NUP188: variants seen among roughly 807,000 people sequenced by gnomAD.
The protein encoded by NUP188 is nucleoporin NUP188.
A neutral mutation model predicts 223.0 loss-of-function variants in NUP188; 97 were observed. That is an observed-to-expected ratio of 0.43 (90% confidence interval 0.37 to 0.51). The LOEUF (loss-of-function observed/expected upper bound fraction) is 0.51, where lower values mean the gene tolerates loss of function less well. Ranked by LOEUF, NUP188 falls within the 20% of genes least tolerant of loss-of-function variation. The pLI is 0.00. For synonymous variants in NUP188, 869 were observed against 828.0 expected (o/e 1.05, Z -0.85); for missense variants, 1,947 against 2,175.6 (o/e 0.89, Z 2.09).
chr9:128,958,933 A>G (rs759319063), intron 7 of NUP188, 39 bp downstream of exon 7: 3 of 1,425,612 alleles, frequency 2.1e-6, no homozygotes, highest in South Asian at 2.7e-5. Flanking sequence ...TTTATACTGT[A>G]TCATCTTAAT....
At position 128,995,502 on chromosome 9, in the gene NUP188, T is replaced by C; in HGVS notation, c.3339T>C (p.Ile1113=). The C allele has an allele frequency of 1.3e-6, 2 of 1,596,192 alleles. No individual in the cohort carries two copies. Among genetic ancestry groups the C allele is most frequent in the Non-Finnish European group, 1.7e-6 (2 of 1,171,876 alleles). ...CCGCCTGGAGGATGCTTCTCATCATTGCCACCACTCATGTAAGACCCTTTT... is the reference window on the plus strand; with the variant it reads ...CCGCCTGGAGGATGCTTCTCATCATCGCCACCACTCATGTAAGACCCTTTT... ...LVSAWRMLLI[I]ATTHADIMHL... Residue 1113 remains isoleucine, a synonymous_variant, in exon 30 of 44, where the codon ATT becomes ATC. Coordinates refer to ENST00000372577, the MANE Select transcript of NUP188 (RefSeq NM_015354.3).
At chr9:128,964,405 A>T (rs1841998939) in intron 8 of NUP188, 1 of 217,098 alleles carries the variant, frequency 4.6e-6, no homozygotes. Flanking sequence ...TTTGTCACTC[A>T]GACTGGAATC....
rs201723859 is a variant in NUP188 at position 128,985,005 on chromosome 9, C to A, written c.2067C>A (p.Thr689=). 2.5e-5 allele frequency: 40 copies of A among 1,609,760 alleles called. No homozygotes were observed. The highest frequency in any genetic ancestry group is 2.3e-4 in the Admixed American group (14 of 59,836). Reference sequence around the variant, plus strand: ...TTGCCTTTCTGCGCTTGATCACCACCCTTGTCAAGGTACAGTCTGATTTTG... The same window carrying A: ...TTGCCTTTCTGCGCTTGATCACCACACTTGTCAAGGTACAGTCTGATTTTG... ...VTIAFLRLIT[T]LVKGQLGSTQ... is the part of the protein sequence containing the mutation. Residue 689 remains threonine (T), a synonymous_variant, in exon 20 of 44, where the codon ACC becomes ACA. Coordinates refer to ENST00000372577, the MANE Select transcript of NUP188 (RefSeq NM_015354.3).
chr9:128,981,474 A>C, intron 15 of NUP188, 84 bp downstream of exon 15: 1 of 1,362,984 alleles, frequency 7.3e-7, no homozygotes. Flanking sequence ...GTGCAGTGGC[A>C]AGATCATAGC....
chr9:128,983,914 G>A (rs370029728), intron 19 of NUP188, among the ~76,000 whole-genome samples: 13 of 151,822 alleles, frequency 8.6e-5, no homozygotes, highest in African/African-American at 2.7e-4. Context: ...TCTGCCTCCC[G>A]GGTTCAAGCA....
chr9:128,962,986 G>T lies in NUP188; in HGVS notation c.585+3852G>T, dbSNP rs142635651. Among the ~76,000 whole-genome samples, 58 of 152,220 alleles carry T rather than the reference G, an allele frequency of 3.8e-4. 1 individual carries two copies. The highest frequency in any genetic ancestry group is 1.3e-3 in the African/African-American group (55 of 41,538). On this transcript the variant is annotated intron_variant, in intron 8 of 43. Coordinates refer to ENST00000372577, the MANE Select transcript of NUP188 (RefSeq NM_015354.3). ...TATAAATAGAACCACACAATATGTA[G>T]AATTTTCTGTTTGGCTTCTTTCAGT... is the stretch of plus-strand genomic sequence containing the variant.
chr9:128,964,961 C>T (rs1842007870), intron 8 of NUP188, among the ~76,000 whole-genome samples: 1 of 152,226 alleles, frequency 6.6e-6, no homozygotes, highest in South Asian at 2.1e-4. Flanking sequence ...CCGTCTCGGC[C>T]TCCCAGAGTG....
chr9:128,963,813 G>A (rs535119138), intron 8 of NUP188, among the ~76,000 whole-genome samples: 1 of 148,286 alleles, frequency 6.7e-6, no homozygotes, highest in Non-Finnish European at 1.5e-5. Flanking sequence ...TCTTATTGTG[G>A]GTTTTTTTTT....
chr9:128,957,025 C>T lies in NUP188; in HGVS notation c.320C>T (p.Ser107Leu). ...GAGGACTACAGGGGTACTCGGGACT[C>T]AGTAAAGGTTTGTGGTTTATGTCAG... ...LQEDYRGTRD[S>L]VKTVLQDERQ... is the part of the protein sequence containing the mutation. Residue 107 changes from serine to leucine, a missense_variant, in exon 5 of 44, where the codon TCA becomes TTA. This residue lies in a region of NUP188 where 817 missense variants were observed against 865.8 expected (regional missense o/e 0.94). Coordinates refer to ENST00000372577, the MANE Select transcript of NUP188 (RefSeq NM_015354.3). The T allele has an allele frequency of 3.1e-6, 5 of 1,608,066 alleles. No individual in the cohort carries two copies. Among genetic ancestry groups the T allele is most frequent in the Non-Finnish European group, 4.3e-6 (5 of 1,175,878 alleles).
intron 31 of NUP188, 117 bp downstream of exon 31, chr9:128,998,345 T>C (rs959335887): frequency 9.0e-7 from 1 of 1,107,186 alleles, no homozygotes; most frequent in Non-Finnish European, 1.4e-6. Context: ...AGGGCTCACG[T>C]TGGCCTGGGA....
chr9:128,983,412 A>T (rs771149120), intron 18 of NUP188, 32 bp downstream of exon 18: 1 of 1,612,410 alleles, frequency 6.2e-7, no homozygotes, highest in Admixed American at 1.7e-5. Flanking sequence ...AGAGCCAAAA[A>T]TGTAGCACTT....
intron 25 of NUP188, among the ~76,000 whole-genome samples, chr9:128,992,457 C>T (rs902370565): frequency 6.6e-6 from 1 of 151,976 alleles, no homozygotes; most frequent in Non-Finnish European, 1.5e-5. Context: ...AGCCTCCCAA[C>T]ATGCTGGGAT....
chr9:128,982,300 C>T (rs1005032911), intron 15 of NUP188, among the ~76,000 whole-genome samples: 9 of 151,684 alleles, frequency 5.9e-5, no homozygotes, highest in Non-Finnish European at 8.8e-5. Context: ...AGTGGTGGTG[C>T]GCACCTGTAG....
At chr9:128,976,614 T>C (rs1164780145) in intron 12 of NUP188, among the ~76,000 whole-genome samples, 1 of 151,430 alleles carries the variant, frequency 6.6e-6, no homozygotes, top group Non-Finnish European at 1.5e-5. Flanking sequence ...GAGGTTGCAG[T>C]GAGCTGAGAC....
chr9:128,947,839 T>G, intron 1 of NUP188, 88 bp downstream of exon 1: 1 of 1,245,100 alleles, frequency 8.0e-7, no homozygotes, highest in East Asian at 3.0e-5. Context: ...AGGCGGGATG[T>G]GGCGACAGTG....
intron 3 of NUP188, among the ~76,000 whole-genome samples, chr9:128,954,605 C>A (rs1385109968): frequency 1.3e-5 from 2 of 151,420 alleles, no homozygotes; most frequent in African/African-American, 4.9e-5. Context: ...AGGATGGTCT[C>A]AATCTCCTGA....
intron 32 of NUP188, among the ~76,000 whole-genome samples, chr9:128,998,935 C>T (rs941223342): frequency 6.6e-6 from 1 of 150,408 alleles, no homozygotes; most frequent in Non-Finnish European, 1.5e-5. Flanking sequence ...CGGCTCACTG[C>T]AACCTCCACC....
intron 15 of NUP188, 70 bp from the exon 16 acceptor site, chr9:128,982,479 G>T: frequency 7.7e-7 from 1 of 1,297,108 alleles, no homozygotes; most frequent in Non-Finnish European, 1.1e-6. Context: ...TTAAAATATT[G>T]ATGTCTGGTA....
At chr9:128,975,971 C>T (rs920015624) in intron 12 of NUP188, among the ~76,000 whole-genome samples, 10 of 151,838 alleles carry the variant, frequency 6.6e-5, no homozygotes, top group African/African-American at 1.7e-4. Context: ...TACAGGTGTG[C>T]GCCACCATGT....
Sources: gnomAD v4.1 joint callset for allele counts (sites outside exome capture counted in the v4.1 genomes callset) on GRCh38, gnomAD v4.1.1 for gene constraint, gnomAD v4.1.1 regional missense constraint, MANE v1.5 for transcripts, NCBI Gene and HGNC (gene_info 2026-07-23, HGNC 2026-07-21) for gene names.